PAN3: variants seen among roughly 807,000 people sequenced by gnomAD.
PAN3 encodes PAN2-PAN3 deadenylation complex subunit PAN3.
PAN3 carries 19 observed loss-of-function variants against 96.2 expected under a neutral mutation model. That is an observed-to-expected ratio of 0.20 (90% CI 0.14 to 0.29). PAN3 has a LOEUF of 0.29. PAN3 is among the 10% of genes least tolerant of loss of function. PAN3 has a pLI of 1.00. For synonymous variants in PAN3, 433 were observed against 406.6 expected (o/e 1.06, Z -0.78); for missense variants, 882 against 1,108.1 (o/e 0.80, Z 2.90).
chr13:28,204,919 G>C (rs965436887), intron 5 of PAN3, among the ~76,000 whole-genome samples: 1 of 152,150 alleles, frequency 6.6e-6, no homozygotes, highest in Admixed American at 6.6e-5. Flanking sequence ...TGTGTTAGGG[G>C]ATCCATTTGA....
chr13:28,151,544 C>T (rs559896532), intron 1 of PAN3, among the ~76,000 whole-genome samples: 1 of 151,518 alleles, frequency 6.6e-6, no homozygotes, highest in East Asian at 1.9e-4. Context: ...GGCAAGAGGG[C>T]AAGAGAGAAT....
chr13:28,144,317 C>T (rs1055526722), intron 1 of PAN3, among the ~76,000 whole-genome samples: 3 of 150,298 alleles, frequency 2.0e-5, no homozygotes, highest in South Asian at 2.1e-4. Context: ...CCTGGGTTCA[C>T]GCCATTCCTG....
At chr13:28,289,619 C>A (rs1017749735) in intron 18 of PAN3, among the ~76,000 whole-genome samples, 12 of 152,198 alleles carry the variant, frequency 7.9e-5, no homozygotes, top group Admixed American at 4.6e-4. Context: ...CAGTAGCTCG[C>A]GCCTGTAATC....
intron 18 of PAN3, among the ~76,000 whole-genome samples, chr13:28,289,881 C>CA (rs1251852006): frequency 1.3e-3 from 177 of 141,436 alleles, no homozygotes; most frequent in East Asian, 6.5e-3. Context: ...GACTCCGTCT[C>CA]AAAAAAAAAA....
At chr13:28,248,851 A>C (rs1190249462) in intron 6 of PAN3, among the ~76,000 whole-genome samples, 1 of 152,240 alleles carries the variant, frequency 6.6e-6, no homozygotes, top group Admixed American at 6.5e-5. Context: ...TGGGTTTGTC[A>C]TATATAGCTT....
At chr13:28,226,458 CTAAT>C (rs1265098363) in intron 6 of PAN3, among the ~76,000 whole-genome samples, 1 of 152,092 alleles carries the variant, frequency 6.6e-6, no homozygotes, top group Non-Finnish European at 1.5e-5. Flanking sequence ...AAGTATCCTT[CTAAT>C]TAATTAATTA....
Position 28,218,648 on chromosome 13 carries a change from C to A in PAN3, c.853-1583C>A, listed in dbSNP as rs1338751200. Among the ~76,000 whole-genome samples, 5 of 151,960 alleles carry A rather than the reference C, an allele frequency of 3.3e-5. No individual in the cohort carries two copies. In the East Asian group the frequency reaches 9.6e-4, roughly 29 times the overall value. ...TAGAATGGACCTTCCCCTCTTTTTT[C>A]CCCTTTACAGGGTCTCAAAAATAAT... is the stretch of plus-strand genomic sequence containing the variant. On this transcript the variant is annotated intron_variant, in intron 5 of 18. Coordinates refer to ENST00000380958, the MANE Select transcript of PAN3 (RefSeq NM_175854.8).
At chr13:28,159,822 A>G (rs1051915823) in intron 1 of PAN3, among the ~76,000 whole-genome samples, 1 of 152,134 alleles carries the variant, frequency 6.6e-6, no homozygotes, top group Admixed American at 6.6e-5. Flanking sequence ...GGTACCGTGC[A>G]TATTATCTGG....
chr13:28,152,500 C>T (rs1263534888), intron 1 of PAN3, among the ~76,000 whole-genome samples: 9 of 151,976 alleles, frequency 5.9e-5, no homozygotes, highest in Admixed American at 5.9e-4. Context: ...AAGAGAATCG[C>T]TTGAACCCAG....
At chr13:28,205,384 C>G (rs993019782) in intron 5 of PAN3, among the ~76,000 whole-genome samples, 2 of 152,120 alleles carry the variant, frequency 1.3e-5, no homozygotes, top group Non-Finnish European at 2.9e-5. Context: ...CCTCTTCTCT[C>G]TAGCTGATAC....
At chr13:28,185,677 T>A (rs1876365630) in intron 4 of PAN3, among the ~76,000 whole-genome samples, 1 of 152,130 alleles carries the variant, frequency 6.6e-6, no homozygotes, top group East Asian at 1.9e-4. Context: ...GAACTGAAAT[T>A]TTTTTATGCC....
rs910246220 is a variant in PAN3, at chr13:28,277,178, G to C, written c.2050-59G>C. On this transcript the variant is annotated intron_variant, in intron 14 of 18. Transcript: ENST00000380958. ...TTTCCATTTAGGCAGTAGTGTCAGT[G>C]TATTAAATGAGTACCTGTGAAATGA... 1.7e-5 allele frequency: 26 copies of C among 1,501,352 alleles called. No individual in the cohort carries two copies. In the South Asian group the frequency reaches 2.9e-4, roughly 17 times the overall value. The allele number at this position is 1,501,352 out of a possible 1,614,324, so 93.0% of individuals were successfully genotyped here.
At chr13:28,271,033 A>C (rs1315429533) in intron 13 of PAN3, among the ~76,000 whole-genome samples, 167 bp downstream of exon 13, 1 of 152,200 alleles carries the variant, frequency 6.6e-6, no homozygotes, top group Non-Finnish European at 1.5e-5. Context: ...AAAAAAGTTG[A>C]ACTCTGAATA....
At chr13:28,158,950 C>T (rs1184304142) in intron 1 of PAN3, among the ~76,000 whole-genome samples, 2 of 151,428 alleles carry the variant, frequency 1.3e-5, no homozygotes, top group Non-Finnish European at 2.9e-5. Context: ...GAGATACCAT[C>T]TCATACCAGT....
In PAN3 at chr13:28,199,503, G is replaced by A. The variant is rs148528863; in HGVS notation, c.852+2157G>A. Among the ~76,000 whole-genome samples the A allele has an allele frequency of 5.3e-4, 81 of 152,212 alleles. No homozygotes were observed. The East Asian group carries it at 8.1e-3, about 15-fold the overall frequency. On this transcript the variant is annotated intron_variant, in intron 5 of 18. Coordinates refer to ENST00000380958, the MANE Select transcript of PAN3 (RefSeq NM_175854.8). Reference sequence around the variant, plus strand: ...TAGTTCTTTTCCTTTAAGGACATAAGGAATGCTGTACCCAAATTTAGAGCT... The same window carrying A: ...TAGTTCTTTTCCTTTAAGGACATAAAGAATGCTGTACCCAAATTTAGAGCT...
intron 9 of PAN3, among the ~76,000 whole-genome samples, chr13:28,261,804 G>A (rs1885749993): frequency 7.2e-6 from 1 of 139,092 alleles, no homozygotes; most frequent in Admixed American, 7.9e-5. Flanking sequence ...CTGCACTCCA[G>A]CCGGGGTGAC....
chr13:28,255,850 TTG>T (rs1885096460), intron 6 of PAN3, among the ~76,000 whole-genome samples: 1 of 152,036 alleles, frequency 6.6e-6, no homozygotes, highest in Non-Finnish European at 1.5e-5. Flanking sequence ...TGTAATATAT[TTG>T]GGGAATGTGC....
At chr13:28,204,977 C>T (rs952962117) in intron 5 of PAN3, among the ~76,000 whole-genome samples, 5 of 152,026 alleles carry the variant, frequency 3.3e-5, no homozygotes, top group African/African-American at 1.2e-4. Context: ...CTTTTTTCCC[C>T]TTGTCTGATT....
chr13:28,170,038 C>A (rs2138076605), intron 1 of PAN3, among the ~76,000 whole-genome samples: 1 of 152,182 alleles, frequency 6.6e-6, no homozygotes, highest in Admixed American at 6.5e-5. Flanking sequence ...CAGAGCAAAA[C>A]TCCATCTCAA....
Sources: allele counts gnomAD v4.1 joint callset (sites outside exome capture counted in the v4.1 genomes callset), GRCh38; gene constraint gnomAD v4.1.1; transcripts MANE v1.5; gene names NCBI Gene and HGNC (gene_info 2026-07-23, HGNC 2026-07-21).